The following FAM13A variants were observed in gnomAD, a reference collection of about 807,000 sequenced individuals.
FAM13A encodes the protein protein FAM13A.
A neutral mutation model predicts 129.6 loss-of-function variants in FAM13A; 76 were observed. The ratio of observed to expected loss-of-function variants is 0.59; its 90% confidence interval spans 0.49 to 0.71. The LOEUF is 0.71. Ranked by LOEUF, FAM13A falls within the 30% of genes least tolerant of loss-of-function variation. The pLI is 0.00. For synonymous variants in FAM13A, 443 were observed against 449.9 expected, an observed-to-expected ratio of 0.98 and a Z score of 0.20; for missense variants, 1,108 against 1,249.3, an observed-to-expected ratio of 0.89 and a Z score of 1.70.
intron 4 of FAM13A, among the ~76,000 whole-genome samples, chr4:88,958,066 G>C (rs1199744811): frequency 2.0e-5 from 3 of 150,978 alleles, no homozygotes; most frequent in African/African-American, 7.3e-5. Flanking sequence ...CCAAGCGTCA[G>C]AGGGAAAAAA....
intron 1 of FAM13A, among the ~76,000 whole-genome samples, chr4:89,033,361 C>T (rs1768957479): frequency 6.6e-6 from 1 of 152,294 alleles, no homozygotes; most frequent in South Asian, 2.1e-4. Flanking sequence ...AAGGAAGATA[C>T]TTTTGTGATT....
At chr4:89,041,944 T>C (rs1770197368) in intron 1 of FAM13A, among the ~76,000 whole-genome samples, 4 of 151,642 alleles carry the variant, frequency 2.6e-5, no homozygotes, top group Admixed American at 2.0e-4. Flanking sequence ...AATAATACTG[T>C]GGCAGAGTTT....
chr4:88,918,359 T>C (rs914171015), intron 5 of FAM13A, among the ~76,000 whole-genome samples: 1 of 152,214 alleles, frequency 6.6e-6, no homozygotes, highest in Non-Finnish European at 1.5e-5. Context: ...AACAACCCTA[T>C]GAAATATGTG....
intron 4 of FAM13A, among the ~76,000 whole-genome samples, chr4:88,961,684 GGT>G (rs1358560990): frequency 1.3e-5 from 2 of 151,932 alleles, no homozygotes; most frequent in Admixed American, 6.6e-5. Flanking sequence ...GCCTTTTAGT[GGT>G]GTGTGGAAGA....
chr4:88,946,262 C>T (rs1755831255), intron 4 of FAM13A, among the ~76,000 whole-genome samples: 1 of 151,648 alleles, frequency 6.6e-6, no homozygotes, highest in African/African-American at 2.4e-5. Flanking sequence ...CTGGACACAG[C>T]AGTAGGGCAG....
intron 11 of FAM13A, among the ~76,000 whole-genome samples, chr4:88,780,551 A>G (rs1052357955): frequency 2.6e-5 from 4 of 152,152 alleles, no homozygotes; most frequent in Admixed American, 6.6e-5. Context: ...TAATAGTTAT[A>G]CTGAACAAAT....
At chr4:88,866,234 G>A (rs1335143918) in intron 6 of FAM13A, among the ~76,000 whole-genome samples, 1 of 152,060 alleles carries the variant, frequency 6.6e-6, no homozygotes, top group African/African-American at 2.4e-5. Flanking sequence ...TTTTAGTAGA[G>A]ACGCGGTTTT....
chr4:89,038,696 G>A (rs1579886147), intron 1 of FAM13A, among the ~76,000 whole-genome samples: 2 of 152,218 alleles, frequency 1.3e-5, no homozygotes, highest in East Asian at 1.9e-4. Flanking sequence ...ATAAGTGACA[G>A]AAAGGGGTAA....
intron 6 of FAM13A, among the ~76,000 whole-genome samples, chr4:88,869,230 A>T (rs1420652665): frequency 1.3e-5 from 2 of 152,138 alleles, no homozygotes; most frequent in East Asian, 3.9e-4. Context: ...CCTTCTTCTG[A>T]TTATATTCAC....
At chr4:89,033,517 T>C (rs564815564) in intron 1 of FAM13A, among the ~76,000 whole-genome samples, 24 of 152,274 alleles carry the variant, frequency 1.6e-4, no homozygotes, top group African/African-American at 5.8e-4. Flanking sequence ...GTGGTGAGAA[T>C]AAAAAACACA....
At chr4:89,049,934 ATTAAT>A (rs141383793) in intron 1 of FAM13A, among the ~76,000 whole-genome samples, 8,442 of 152,242 alleles carry the variant, frequency 0.055, 750 homozygotes, top group African/African-American at 0.19. Flanking sequence ...TTTGAGCAAC[ATTAAT>A]TTAACAACTA....
At chr4:88,734,401 G>C (rs1738529710) in intron 21 of FAM13A, among the ~76,000 whole-genome samples, 1 of 152,188 alleles carries the variant, frequency 6.6e-6, no homozygotes, top group Non-Finnish European at 1.5e-5. Context: ...ATAATACAAA[G>C]CGGGTAGGGA....
rs373562295 is a variant in FAM13A at position 88,778,823 on chromosome 4, ACT to A, written c.1458+2340_1458+2341del. 7.8e-4 allele frequency among the ~76,000 whole-genome samples: 118 copies of A among 152,052 alleles called. 2 individuals carry two copies. In the South Asian group the frequency reaches 8.1e-3, roughly 10 times the overall value. ...TTCCATTCCCTCTTTCACTTTGCTC[ACT>A]CTTTTCCAACCATAATGGTGCCTCT... On this transcript the variant is annotated intron_variant, in intron 11 of 23. Coordinates refer to ENST00000264344, the MANE Select transcript of FAM13A (RefSeq NM_014883.4).
intron 6 of FAM13A, among the ~76,000 whole-genome samples, chr4:88,892,278 C>T (rs2150168631): frequency 6.7e-6 from 1 of 148,868 alleles, no homozygotes; most frequent in Non-Finnish European, 1.5e-5. Context: ...CTCCCGGGTT[C>T]ACACCATTCT....
intron 5 of FAM13A, among the ~76,000 whole-genome samples, chr4:88,909,214 T>C (rs973305111): frequency 4.6e-5 from 7 of 152,154 alleles, no homozygotes; most frequent in African/African-American, 1.7e-4. Flanking sequence ...AATTGATGAA[T>C]GGATAAACAA....
chr4:88,850,505 C>T (rs980328413), intron 7 of FAM13A, among the ~76,000 whole-genome samples: 9 of 151,806 alleles, frequency 5.9e-5, no homozygotes, highest in Admixed American at 2.0e-4. Flanking sequence ...TGCAGTGAGC[C>T]GAGATTGCGC....
At chr4:89,032,445 A>T (rs897850661) in intron 1 of FAM13A, among the ~76,000 whole-genome samples, 3 of 152,182 alleles carry the variant, frequency 2.0e-5, no homozygotes, top group African/African-American at 7.2e-5. Context: ...AGAGAACCTT[A>T]AGGTTTTACT....
intron 3 of FAM13A, among the ~76,000 whole-genome samples, chr4:89,010,663 C>T (rs1241282930): frequency 6.6e-6 from 1 of 152,156 alleles, no homozygotes; most frequent in African/African-American, 2.4e-5. Flanking sequence ...CTACAACTCA[C>T]CTCACAAATT....
intron 11 of FAM13A, among the ~76,000 whole-genome samples, chr4:88,771,825 C>A (rs1375241045): frequency 6.6e-6 from 1 of 152,110 alleles, no homozygotes; most frequent in Non-Finnish European, 1.5e-5. Context: ...TTCACTACAA[C>A]ATAATTTATT....
Sources: allele counts gnomAD v4.1 joint callset (sites outside exome capture counted in the v4.1 genomes callset), GRCh38; gene constraint gnomAD v4.1.1; transcripts MANE v1.5; gene names NCBI Gene and HGNC (gene_info 2026-07-23, HGNC 2026-07-21).